The following POC1A variants were observed in gnomAD, a reference collection of about 807,000 sequenced individuals.
POC1A encodes the protein POC1 centriolar protein A.
In POC1A, 34 loss-of-function variants were observed where a neutral mutation model predicts 47.8. The ratio of observed to expected loss-of-function variants is 0.71; its 90% CI spans 0.54 to 0.95. POC1A has a LOEUF of 0.95. Ranked by LOEUF, POC1A falls within the 40% of genes least tolerant of loss-of-function variation. The pLI is 0.00. For missense variants in POC1A, 466 were observed against 528.3 expected (o/e 0.88, Z 1.16); for synonymous variants, 177 against 207.6 (o/e 0.85, Z 1.27).
intron 9 of POC1A, among the ~76,000 whole-genome samples, chr3:52,108,909 C>T (rs1703283429): frequency 6.6e-6 from 1 of 152,234 alleles, no homozygotes; most frequent in Non-Finnish European, 1.5e-5. Context: ...CAGCGGATGC[C>T]TGGCCCAAGA....
chr3:52,075,835 C>A lies in POC1A; in HGVS notation c.*52G>T. The A allele has an allele frequency of 7.6e-7, 1 of 1,321,894 alleles. No individual in the cohort carries two copies. The highest frequency in any genetic ancestry group is 1.1e-6 in the Non-Finnish European group (1 of 915,050). The allele number at this position is 1,321,894 out of a possible 1,614,324, so 81.9% of individuals were successfully genotyped here. The stretch of plus-strand genomic sequence containing the variant: ...TTTACCCAAGTCCCATGGTACAAAT[C>A]CCTGGCCTGCCACCTGCAAATCCAC... On this transcript the variant is annotated 3_prime_UTR_variant, in exon 11 of 11. Transcript: ENST00000296484.
chr3:52,143,630 C>A (rs1333847273), intron 6 of POC1A, among the ~76,000 whole-genome samples: 4 of 152,154 alleles, frequency 2.6e-5, no homozygotes, highest in African/African-American at 9.7e-5. Flanking sequence ...TCCACCCCAA[C>A]AGGGTCAGCT....
chr3:52,101,714 A>T (rs1415222694), intron 9 of POC1A, among the ~76,000 whole-genome samples: 1 of 152,244 alleles, frequency 6.6e-6, no homozygotes, highest in Non-Finnish European at 1.5e-5. Flanking sequence ...AAAACAGAAC[A>T]GAGCTTCCAT....
At chr3:52,114,177 T>G (rs531767181) in intron 9 of POC1A, among the ~76,000 whole-genome samples, 29 of 152,202 alleles carry the variant, frequency 1.9e-4, no homozygotes, top group Non-Finnish European at 3.5e-4. Context: ...GTTTCTAGTA[T>G]CCACCTTCCA....
intron 9 of POC1A, among the ~76,000 whole-genome samples, chr3:52,109,456 T>TTTTTG (rs764154126): frequency 8.9e-4 from 135 of 152,104 alleles, no homozygotes; most frequent in African/African-American, 2.4e-3. Context: ...AATACAAAGG[T>TTTTTG]TTTTGTTTTG....
rs761567833 is a variant in POC1A at position 52,122,456 on chromosome 3, A to G, written c.904T>C (p.Phe302Leu). Residue 302 changes from phenylalanine to leucine, a missense_variant, in exon 9 of 11, where the codon TTT becomes CTT. Physicochemically the swap from Phe to Leu is conservative, Grantham distance 22. Coordinates refer to ENST00000296484, the MANE Select transcript of POC1A (RefSeq NM_015426.5). Reference protein sequence around the residue: ...DEQVMVWKSNFDIVDHGEVTK... With the variant: ...DEQVMVWKSNLDIVDHGEVTK... ...ACTTCTCCATGATCAACAATATCAA[A>G]GTTACTCTTCCAAACCATCACCTGC... is the stretch of plus-strand genomic sequence containing the variant. 1.2e-6 allele frequency: 2 copies of G among 1,611,612 alleles called. No homozygotes were observed. Among genetic ancestry groups the G allele is most frequent in the Non-Finnish European group, 1.7e-6 (2 of 1,177,692 alleles).
chr3:52,118,376 A>T (rs1441708729), intron 9 of POC1A, among the ~76,000 whole-genome samples: 1 of 152,214 alleles, frequency 6.6e-6, no homozygotes, highest in Non-Finnish European at 1.5e-5. Flanking sequence ...TGGCTGGGAA[A>T]TGGCTTTTGC....
At chr3:52,114,536 CT>C (rs945393472) in intron 9 of POC1A, among the ~76,000 whole-genome samples, 2 of 152,164 alleles carry the variant, frequency 1.3e-5, no homozygotes, top group African/African-American at 4.8e-5. Flanking sequence ...TGCTGGGCTC[CT>C]TTTTCCCACT....
intron 9 of POC1A, among the ~76,000 whole-genome samples, chr3:52,100,364 T>A (rs1702957471): frequency 6.6e-6 from 1 of 152,346 alleles, no homozygotes; most frequent in South Asian, 2.1e-4. Flanking sequence ...GATACAAGTA[T>A]GGATAAGGAG....
intron 4 of POC1A, among the ~76,000 whole-genome samples, chr3:52,149,005 T>C (rs1022463971): frequency 1.3e-5 from 2 of 152,248 alleles, no homozygotes; most frequent in African/African-American, 4.8e-5. Flanking sequence ...TTACATGTCA[T>C]GCATCAGCTC....
Position 52,086,736 on chromosome 3 carries a change from T to C in POC1A, c.1125+9833A>G, listed in dbSNP as rs184150998. The stretch of plus-strand genomic sequence containing the variant: ...GCCTCAGCCACCAACCAGTACCTAA[T>C]GGTCTGCAGCTCAGGGGCCTTCATG... On this transcript the variant is annotated intron_variant, in intron 10 of 10. Coordinates refer to ENST00000296484, the MANE Select transcript of POC1A (RefSeq NM_015426.5). Among the ~76,000 whole-genome samples, 22 of 152,332 alleles carry C rather than the reference T, an allele frequency of 1.4e-4. 1 individual carries two copies. Among genetic ancestry groups the C allele is most frequent in the Non-Finnish European group, 1.5e-5 (1 of 68,036 alleles).
chr3:52,149,823 G>A lies in POC1A; in HGVS notation c.268C>T (p.Pro90Ser). The A allele has an allele frequency of 6.2e-7, 1 of 1,613,254 alleles. No individual in the cohort carries two copies. The highest frequency in any genetic ancestry group is 1.7e-5 in the Admixed American group (1 of 59,912). The change falls in exon 3 of 11, where the codon CCC (proline) becomes TCC (serine). Residue 90 changes from proline to serine, a missense_variant. By Grantham distance (74) the Pro-to-Ser change is moderately conservative (BLOSUM62 -1). Transcript: ENST00000296484. Reference protein sequence around the residue: ...SRDKTVRIWVPNVKGESTVFR... With the variant: ...SRDKTVRIWVSNVKGESTVFR... ...TCAAAGTGTACGACTCACACATTGG[G>A]TACCCAGATGCGGACAGTCTTGTCT...
intron 9 of POC1A, among the ~76,000 whole-genome samples, chr3:52,118,396 T>C (rs992824249): frequency 6.6e-6 from 1 of 152,190 alleles, no homozygotes; most frequent in Non-Finnish European, 1.5e-5. Context: ...CTTTTCAACA[T>C]GAAATGTGCC....
In POC1A at chr3:52,079,186, T is replaced by C. The variant is rs1174084449; in HGVS notation, c.1126-3201A>G. Among the ~76,000 whole-genome samples, 2 of 152,254 alleles carry C rather than the reference T, an allele frequency of 1.3e-5. No homozygotes were observed. Among genetic ancestry groups the C allele is most frequent in the African/African-American group, 2.4e-5 (1 of 41,468 alleles). On this transcript the variant is annotated intron_variant, in intron 10 of 10. Transcript: ENST00000296484. The surrounding 1 kb of genome is among the most constrained non-coding windows in gnomAD (Gnocchi z 4.6). The stretch of plus-strand genomic sequence containing the variant: ...TTACCTGTCGGTTCACAACAAAAAG[T>C]AAGCACATCCCCACATACCCATACG...
chr3:52,110,730 T>C (rs1187154704), intron 9 of POC1A, among the ~76,000 whole-genome samples: 1 of 152,184 alleles, frequency 6.6e-6, no homozygotes, highest in Non-Finnish European at 1.5e-5. Context: ...CAAAAGGTCC[T>C]TCAAGGCATG....
rs1702172865 is a variant in POC1A, at chr3:52,078,069, C to T, written c.1126-2084G>A. On this transcript the variant is annotated intron_variant, in intron 10 of 10. Coordinates refer to ENST00000296484, the MANE Select transcript of POC1A (RefSeq NM_015426.5). ...TCTGAGAGCTTTGAGGATCACTTCA[C>T]AGCACAGTAGACAAACAGGCTTTTA... Among the ~76,000 whole-genome samples, 4 of 152,322 alleles carry T rather than the reference C, an allele frequency of 2.6e-5. No homozygotes were observed. In the South Asian group the frequency reaches 8.3e-4, roughly 32 times the overall value.
At chr3:52,096,536 C>A in intron 10 of POC1A, 33 bp downstream of exon 10, 1 of 1,502,926 alleles carries the variant, frequency 6.7e-7, no homozygotes. Flanking sequence ...GTGCAGATGA[C>A]GGGATGACGG....
chr3:52,149,386 T>G lies in POC1A; in HGVS notation c.279A>C (p.Lys93Asn). Residue 93 changes from lysine (K) to asparagine (N), a missense_variant, in exon 4 of 11, where the codon AAA (lysine) becomes AAC (asparagine). Lys to Asn is a moderately conservative substitution (Grantham distance 94). Coordinates refer to ENST00000296484, the MANE Select transcript of POC1A (RefSeq NM_015426.5). ...KTVRIWVPNVKGESTVFRAHT... is the reference protein window; with the variant it reads ...KTVRIWVPNVNGESTVFRAHT... ...GTGCACGAAACACAGTGGACTCACC[T>G]TTGCTACAAGGACAGGCATCCAAGA... is the stretch of plus-strand genomic sequence containing the variant. The G allele has an allele frequency of 6.8e-6, 11 of 1,613,498 alleles. No individual in the cohort carries two copies. Among genetic ancestry groups the G allele is most frequent in the Non-Finnish European group, 9.3e-6 (11 of 1,179,534 alleles).
chr3:52,077,646 C>T (rs2106916026), intron 10 of POC1A, among the ~76,000 whole-genome samples: 1 of 152,380 alleles, frequency 6.6e-6, no homozygotes, highest in South Asian at 2.1e-4. Flanking sequence ...GCAGCGGAAA[C>T]AGCCCCTGGC....
Sources: gnomAD v4.1 joint callset for allele counts (sites outside exome capture counted in the v4.1 genomes callset) on GRCh38, gnomAD v4.1.1 for gene constraint, Gnocchi (gnomAD v3.1) non-coding constraint, MANE v1.5 for transcripts, NCBI Gene and HGNC (gene_info 2026-07-23, HGNC 2026-07-21) for gene names.